The following DIP2C variants were observed in gnomAD, a reference collection of about 807,000 sequenced individuals.
The protein encoded by DIP2C is DIP2 acetate--CoA ligase C (putative).
In DIP2C, 33 loss-of-function variants were observed where a neutral mutation model predicts 192.4. That is an observed-to-expected ratio of 0.17 (90% CI 0.13 to 0.23). The LOEUF is 0.23. DIP2C is among the 10% of genes least tolerant of loss of function. DIP2C has a pLI of 1.00. For synonymous variants in DIP2C, 979 were observed against 864.1 expected (o/e 1.13, Z -2.33); for missense variants, 1,537 against 2,110.1 (o/e 0.73, Z 5.32).
chr10:517,752 C>A (rs968457628), intron 1 of DIP2C, among the ~76,000 whole-genome samples: 2 of 152,178 alleles, frequency 1.3e-5, no homozygotes, highest in African/African-American at 4.8e-5. Flanking sequence ...GTATGTTACA[C>A]TGAATTTATC....
chr10:304,885 GCA>G (rs1375264268), intron 32 of DIP2C, among the ~76,000 whole-genome samples: 6 of 151,838 alleles, frequency 4.0e-5, no homozygotes, highest in Admixed American at 2.6e-4. Context: ...ACACACACAT[GCA>G]CACTCATACT....
chr10:602,297 T>A (rs566910863), intron 1 of DIP2C, among the ~76,000 whole-genome samples: 74 of 152,334 alleles, frequency 4.9e-4, no homozygotes, highest in African/African-American at 1.7e-3. Flanking sequence ...CAGGCACCTG[T>A]GTCTTCCTCT....
intron 17 of DIP2C, among the ~76,000 whole-genome samples, chr10:382,333 T>G (rs932696542): frequency 6.6e-6 from 1 of 152,132 alleles, no homozygotes; most frequent in Non-Finnish European, 1.5e-5. Context: ...AACCAGAGAT[T>G]GGTACACGCA....
At chr10:609,735 G>A (rs1425703672) in intron 1 of DIP2C, among the ~76,000 whole-genome samples, 1 of 152,070 alleles carries the variant, frequency 6.6e-6, no homozygotes, top group African/African-American at 2.4e-5. Context: ...TAATGCTATA[G>A]GTTAACCAGG....
chr10:603,704 G>T (rs1210715625), intron 1 of DIP2C, among the ~76,000 whole-genome samples: 1 of 152,208 alleles, frequency 6.6e-6, no homozygotes, highest in African/African-American at 2.4e-5. Context: ...TCAAAGGTCT[G>T]GAGGTGAATA....
intron 31 of DIP2C, among the ~76,000 whole-genome samples, chr10:325,452 G>C (rs962909007): frequency 2.6e-5 from 4 of 152,204 alleles, no homozygotes; most frequent in Non-Finnish European, 5.9e-5. Flanking sequence ...GCGCCACCTT[G>C]ACATTTTAAG....
At chr10:304,617 T>A (rs1005574992) in intron 32 of DIP2C, among the ~76,000 whole-genome samples, 3 of 152,010 alleles carry the variant, frequency 2.0e-5, no homozygotes, top group African/African-American at 7.3e-5. Flanking sequence ...CAACTCCACA[T>A]ACAAAATACA....
At chr10:406,772 A>C (rs1354431215) in intron 9 of DIP2C, among the ~76,000 whole-genome samples, 2 of 152,124 alleles carry the variant, frequency 1.3e-5, no homozygotes, top group African/African-American at 4.8e-5. Flanking sequence ...TCTGGCTCCA[A>C]CAGTCTGAAT....
Position 337,808 on chromosome 10 carries a change from G to A in DIP2C, c.3584+3391C>T, listed in dbSNP as rs1187163352. Among the ~76,000 whole-genome samples, 82 of 128,006 alleles carry A rather than the reference G, an allele frequency of 6.4e-4. 1 individual carries two copies. The South Asian group carries it at 0.019, about 29-fold the overall frequency. 84.0% of individuals were successfully genotyped at this position (128,006 alleles called of 152,430 possible). A position where few individuals can be genotyped will look rare whatever the true frequency, so the allele number is the denominator to read the frequency against. On this transcript the variant is annotated intron_variant, in intron 29 of 36. Transcript: ENST00000280886. ...GCAGCTGTGTGTGTGCACGTGTGTCGTGGAGGCCTACGCAGCTGTGTGTGT... is the reference window on the plus strand; with the variant it reads ...GCAGCTGTGTGTGTGCACGTGTGTCATGGAGGCCTACGCAGCTGTGTGTGT...
intron 1 of DIP2C, among the ~76,000 whole-genome samples, chr10:683,928 AC>A (rs1831222879): frequency 6.6e-6 from 1 of 152,244 alleles, no homozygotes; most frequent in Non-Finnish European, 1.5e-5. Flanking sequence ...CGGAACCATA[AC>A]AAGAATATGA....
chr10:631,828 A>G (rs755476433), intron 1 of DIP2C, among the ~76,000 whole-genome samples: 5 of 152,242 alleles, frequency 3.3e-5, no homozygotes, highest in Non-Finnish European at 5.9e-5. Context: ...AAGTTTGGCG[A>G]AGGCATTTTC....
intron 17 of DIP2C, among the ~76,000 whole-genome samples, chr10:372,326 C>T (rs1259584694): frequency 3.3e-5 from 5 of 152,212 alleles, no homozygotes; most frequent in African/African-American, 7.2e-5. Flanking sequence ...CTGCCCTCCT[C>T]GGCTTCCCAA....
At chr10:606,894 T>C (rs1311569585) in intron 1 of DIP2C, among the ~76,000 whole-genome samples, 1 of 152,138 alleles carries the variant, frequency 6.6e-6, no homozygotes, top group Non-Finnish European at 1.5e-5. Context: ...AGGCCTGTCA[T>C]GGTGACTCAG....
chr10:379,836 C>T (rs1487711770), intron 17 of DIP2C, among the ~76,000 whole-genome samples: 2 of 151,856 alleles, frequency 1.3e-5, no homozygotes, highest in African/African-American at 4.8e-5. Flanking sequence ...AGGGGCTGTC[C>T]CTGGAAGATG....
At chr10:361,849 G>A (rs1959559027) in intron 22 of DIP2C, among the ~76,000 whole-genome samples, 1 of 152,114 alleles carries the variant, frequency 6.6e-6, no homozygotes, top group East Asian at 1.9e-4. Flanking sequence ...CCAACAGAAG[G>A]CCACGCACCC....
At chr10:419,276 AAG>A in intron 5 of DIP2C, 77 bp from the exon 6 acceptor site, 5 of 1,596,952 alleles carry the variant, frequency 3.1e-6, no homozygotes, top group Non-Finnish European at 4.3e-6. Context: ...ACAGCCCAGG[AAG>A]AGACTGAAGC....
chr10:283,574 C>G, intron 34 of DIP2C, 128 bp from the exon 35 acceptor site: 1 of 1,147,618 alleles, frequency 8.7e-7, no homozygotes, highest in Non-Finnish European at 1.2e-6. Flanking sequence ...ACTGAATAAC[C>G]AAGATGATGT....
chr10:499,317 G>A (rs1416402907), intron 1 of DIP2C, among the ~76,000 whole-genome samples: 9 of 147,550 alleles, frequency 6.1e-5, no homozygotes, highest in South Asian at 4.2e-4. Context: ...TGTGTGGACG[G>A]CTGGGCTCCC....
At chr10:626,444 C>CCCCCCGTCTCCGGGGTTACCCTCCGT (rs1854206018) in intron 1 of DIP2C, among the ~76,000 whole-genome samples, 1 of 148,466 alleles carries the variant, frequency 6.7e-6, no homozygotes, top group African/African-American at 2.6e-5. Flanking sequence ...TACCCTCCGT[C>CCCCCCGTCTCCGGGGTTACCCTCCGT]CCCCCGTCCC....
Sources: gnomAD v4.1 joint callset for allele counts (sites outside exome capture counted in the v4.1 genomes callset) on GRCh38, gnomAD v4.1.1 for gene constraint, MANE v1.5 for transcripts, NCBI Gene and HGNC (gene_info 2026-07-23, HGNC 2026-07-21) for gene names.